NFILZ: variants seen among roughly 807,000 people sequenced by gnomAD.
NFILZ encodes NFIL3 like basic leucine zipper.
intron 3 of NFILZ, among the ~76,000 whole-genome samples, chr19:8,647,383 C>T (rs1052544987): frequency 6.6e-6 from 1 of 152,044 alleles, no homozygotes; most frequent in African/African-American, 2.4e-5. Context: ...ACTAGCCTAG[C>T]CAACATGGTG....
At chr19:8,644,830 G>A (rs138338118) in intron 3 of NFILZ, among the ~76,000 whole-genome samples, 2,558 of 150,204 alleles carry the variant, frequency 0.017, 64 homozygotes, top group African/African-American at 0.06. Context: ...GCAATGGCAT[G>A]ATCTCGGCTT....
intron 3 of NFILZ, among the ~76,000 whole-genome samples, chr19:8,636,157 A>T (rs1044573503): frequency 5.3e-5 from 8 of 151,744 alleles, no homozygotes; most frequent in East Asian, 2.0e-4. Flanking sequence ...TTTTAAAAAA[A>T]TTTTATTTTC....
At chr19:8,653,038 TTCTC>T (rs1163296485) in intron 3 of NFILZ, among the ~76,000 whole-genome samples, 31 of 90,580 alleles carry the variant, frequency 3.4e-4, no homozygotes, top group East Asian at 1.1e-3. Context: ...CTTTCTTTCT[TTCTC>T]TCTCTCTCTC....
rs188105171 is a variant in NFILZ at position 8,680,662 on chromosome 19, G to A, written c.*3027G>A. Among the ~76,000 whole-genome samples, 2 of 152,250 alleles carry A rather than the reference G, an allele frequency of 1.3e-5. No individual in the cohort carries two copies. Among genetic ancestry groups the A allele is most frequent in the Admixed American group, 1.3e-4 (2 of 15,286 alleles). On this transcript the variant is annotated 3_prime_UTR_variant, in exon 6 of 6. Transcript: ENST00000691075. ...CATATAGTAGGATCAATGATGATAC[G>A]TGTCATGGAGAAAAAAGGGAGGCTT...
intron 3 of NFILZ, among the ~76,000 whole-genome samples, chr19:8,652,468 T>C (rs1271317686): frequency 1.3e-5 from 2 of 152,112 alleles, no homozygotes; most frequent in Admixed American, 6.6e-5. Flanking sequence ...TGTTTGCAAG[T>C]GTAAATTTTA....
chr19:8,648,921 C>A (rs1294239372), intron 3 of NFILZ, among the ~76,000 whole-genome samples: 1 of 150,674 alleles, frequency 6.6e-6, no homozygotes, highest in African/African-American at 2.4e-5. Flanking sequence ...TCTTTTCTTT[C>A]AAGGCCCTTA....
At chr19:8,656,904 G>A (rs1381969274) in intron 3 of NFILZ, among the ~76,000 whole-genome samples, 2 of 152,156 alleles carry the variant, frequency 1.3e-5, no homozygotes, top group Admixed American at 6.5e-5. Flanking sequence ...GGGGAGTCCA[G>A]CTTGGCTCTG....
At chr19:8,658,363 C>G (rs543182636) in intron 3 of NFILZ, among the ~76,000 whole-genome samples, 1 of 152,062 alleles carries the variant, frequency 6.6e-6, no homozygotes, top group African/African-American at 2.4e-5. Context: ...TGGGGGGCTG[C>G]GTTGTGCATT....
At chr19:8,632,276 C>G (rs1327191817) in intron 1 of NFILZ, among the ~76,000 whole-genome samples, 200 bp from the exon 2 acceptor site, 4 of 113,442 alleles carry the variant, frequency 3.5e-5, no homozygotes, top group South Asian at 2.8e-4. Flanking sequence ...GTGTGTGTGT[C>G]AGGGGGTTAT....
chr19:8,648,966 T>A (rs2146145673), intron 3 of NFILZ, among the ~76,000 whole-genome samples: 1 of 152,298 alleles, frequency 6.6e-6, no homozygotes, highest in Admixed American at 6.5e-5. Context: ...TATGTATTTT[T>A]ATTTATTTAG....
intron 3 of NFILZ, among the ~76,000 whole-genome samples, chr19:8,637,912 C>CAAAAAAAAAAAAAAAAAAAAAAAAAAA (rs35778716): frequency 3.5e-4 from 7 of 20,272 alleles, no homozygotes; most frequent in Non-Finnish European, 4.4e-4. Context: ...AAGATGGTCT[C>CAAAAAAAAAAAAAAAAAAAAAAAAAAA]AAAAAAAAAA....
At chr19:8,636,396 C>T (rs569767434) in intron 3 of NFILZ, among the ~76,000 whole-genome samples, 300 of 146,486 alleles carry the variant, frequency 2.0e-3, no homozygotes, top group Middle Eastern at 7.4e-3. Context: ...TGCAGTGAGC[C>T]GAGATTGCGC....
intron 3 of NFILZ, among the ~76,000 whole-genome samples, chr19:8,665,299 A>G (rs775302714): frequency 1.6e-4 from 25 of 152,132 alleles, no homozygotes; most frequent in Non-Finnish European, 3.1e-4. Flanking sequence ...TGCTTCAGGC[A>G]GAAGAAACAT....
intron 3 of NFILZ, among the ~76,000 whole-genome samples, chr19:8,658,478 G>C (rs916866476): frequency 6.6e-6 from 1 of 152,130 alleles, no homozygotes; most frequent in African/African-American, 2.4e-5. Context: ...AAAAAACATT[G>C]ACAACTTTCC....
chr19:8,634,144 T>A (rs1349280031), intron 2 of NFILZ, among the ~76,000 whole-genome samples: 1 of 151,790 alleles, frequency 6.6e-6, no homozygotes, highest in African/African-American at 2.4e-5. Context: ...ACTACAGGTG[T>A]GTGCTATCAT....
chr19:8,673,880 G>A (rs531759180), intron 3 of NFILZ, among the ~76,000 whole-genome samples: 42 of 152,156 alleles, frequency 2.8e-4, no homozygotes, highest in Middle Eastern at 3.4e-3. Context: ...TTGCTCTGTC[G>A]CCCAGGCTGG....
At chr19:8,654,331 A>AT (rs34061934) in intron 3 of NFILZ, among the ~76,000 whole-genome samples, 4,967 of 150,140 alleles carry the variant, frequency 0.033, 214 homozygotes, top group African/African-American at 0.09. Context: ...AAAAAAAAAA[A>AT]TTATGGCTGG....
chr19:8,678,184 T>TCCGTCCAC lies in NFILZ; in HGVS notation c.*551_*552insGTCCACCC, dbSNP rs1568426465. On this transcript the variant is annotated 3_prime_UTR_variant, in exon 6 of 6. Coordinates refer to ENST00000691075, the MANE Select transcript of NFILZ (RefSeq NM_001378600.1). ...ATCCATCCATCCATCCATCCATCCA[T>TCCGTCCAC]CCATCCGTCCATCTATCCATCCATC... is the stretch of plus-strand genomic sequence containing the variant. 4.0e-5 allele frequency among the ~76,000 whole-genome samples: 2 copies of TCCGTCCAC among 49,384 alleles called. No individual in the cohort carries two copies. Among genetic ancestry groups the TCCGTCCAC allele is most frequent in the African/African-American group, 8.2e-5 (1 of 12,178 alleles). The allele number at this position is 49,384 out of a possible 152,430, so 32.4% of individuals were successfully genotyped here.
chr19:8,661,646 C>G (rs781969999), intron 3 of NFILZ, among the ~76,000 whole-genome samples: 2 of 152,166 alleles, frequency 1.3e-5, no homozygotes, highest in Non-Finnish European at 2.9e-5. Flanking sequence ...AATCCCAACA[C>G]TTTGGGAGTC....
Sources: gnomAD v4.1 joint callset for allele counts (sites outside exome capture counted in the v4.1 genomes callset) on GRCh38, gnomAD v4.1.1 for gene constraint, MANE v1.5 for transcripts, NCBI Gene and HGNC (gene_info 2026-07-23, HGNC 2026-07-21) for gene names.